RAB38: variants seen among roughly 807,000 people sequenced by gnomAD.
The protein encoded by RAB38 is ras-related protein Rab-38.
A neutral mutation model predicts 18.4 loss-of-function variants in RAB38; 15 were observed. That is an observed-to-expected ratio of 0.82 (90% confidence interval 0.55 to 1.26). RAB38 has a LOEUF of 1.26. Among genes scored for constraint, RAB38 ranks in the 50% most tolerant of loss-of-function variants. The pLI, the probability that RAB38 is intolerant of heterozygous loss-of-function variation, is 0.00. For missense variants in RAB38, 294 were observed against 267.4 expected (o/e 1.10, Z -0.69); for synonymous variants, 101 against 104.4 (o/e 0.97, Z 0.20).
intron 1 of RAB38, among the ~76,000 whole-genome samples, chr11:88,170,807 C>A (rs1322253406): frequency 2.0e-5 from 3 of 152,174 alleles, no homozygotes; most frequent in Non-Finnish European, 4.4e-5. Context: ...AAGAAACACT[C>A]GAAACACTCT....
the RAB38 span, among the ~76,000 whole-genome samples, chr11:88,070,287 C>T: frequency 0.11 from 16,838 of 152,174 alleles, 1,215 homozygotes; most frequent in Admixed American, 0.19. Context: ...ATACTCACCG[C>T]GAAGGTCTGC....
the RAB38 span, among the ~76,000 whole-genome samples, chr11:88,011,169 A>C: frequency 6.6e-6 from 1 of 152,248 alleles, no homozygotes; most frequent in Non-Finnish European, 1.5e-5. Flanking sequence ...TGACAGATAT[A>C]GTTCCCACTT....
the RAB38 span, among the ~76,000 whole-genome samples, chr11:88,006,504 T>C: frequency 6.6e-6 from 1 of 150,510 alleles, no homozygotes; most frequent in Admixed American, 6.6e-5. Context: ...GTATTCACAA[T>C]AGCCAAGATA....
Position 88,113,758 on chromosome 11 carries a change from A to ATTCT in RAB38, c.*229_*230insAGAA. On this transcript the variant is annotated 3_prime_UTR_variant, in exon 3 of 3. Transcript: ENST00000243662. ...GGATTTTGGTCAGCTACATGACAGA[A>ATTCT]GTTTGTAACAGACTAAATATTTTCA... The ATTCT allele has an allele frequency of 1.9e-6, 1 of 513,252 alleles. No individual in the cohort carries two copies. The allele number at this position is 513,252 out of a possible 1,614,324, so 31.8% of individuals were successfully genotyped here.
intron 2 of RAB38, among the ~76,000 whole-genome samples, chr11:88,139,198 T>C (rs1455722775): frequency 6.6e-6 from 1 of 152,078 alleles, no homozygotes; most frequent in African/African-American, 2.4e-5. Flanking sequence ...CTTAGAAAAA[T>C]GATGAGAAGC....
intron 2 of RAB38, among the ~76,000 whole-genome samples, chr11:88,135,763 C>A (rs748159653): frequency 6.6e-6 from 1 of 152,272 alleles, no homozygotes; most frequent in African/African-American, 2.4e-5. Flanking sequence ...CCATAACGAG[C>A]CTTTTGCGAT....
At position 88,113,980 on chromosome 11, in the gene RAB38, G is replaced by A; in HGVS notation, c.*8C>T. ...GTCATTCCTACCAGACACCAGCAAAGGTGCCTACTAGGATTTGGCACAGCC... is the reference window on the plus strand; with the variant it reads ...GTCATTCCTACCAGACACCAGCAAAAGTGCCTACTAGGATTTGGCACAGCC... On this transcript the variant is annotated 3_prime_UTR_variant, in exon 3 of 3. Transcript: ENST00000243662. 1.2e-6 allele frequency: 2 copies of A among 1,613,990 alleles called. No individual in the cohort carries two copies. The highest frequency in any genetic ancestry group is 1.7e-6 in the Non-Finnish European group (2 of 1,179,922).
At chr11:88,163,759 T>C (rs1183001184) in intron 1 of RAB38, among the ~76,000 whole-genome samples, 2 of 152,140 alleles carry the variant, frequency 1.3e-5, no homozygotes, top group African/African-American at 4.8e-5. Flanking sequence ...ATTCTGAATG[T>C]ATATTTAAAT....
chr11:88,004,058 T>C, the RAB38 span, among the ~76,000 whole-genome samples: 10 of 142,790 alleles, frequency 7.0e-5, no homozygotes, highest in African/African-American at 2.5e-4. Flanking sequence ...AAGGTATATA[T>C]ATACCTTCTC....
intron 2 of RAB38, among the ~76,000 whole-genome samples, chr11:88,124,466 T>C (rs1274875067): frequency 6.6e-6 from 1 of 152,122 alleles, no homozygotes; most frequent in African/African-American, 2.4e-5. Context: ...GGGCGAAGGA[T>C]ATGAACAGAC....
At chr11:88,045,870 A>G in the RAB38 span, among the ~76,000 whole-genome samples, 6 of 151,506 alleles carry the variant, frequency 4.0e-5, no homozygotes, top group East Asian at 7.8e-4. Context: ...AAACTCCCCA[A>G]CTCTGGTGTC....
At chr11:88,073,371 C>A in the RAB38 span, among the ~76,000 whole-genome samples, 4 of 152,184 alleles carry the variant, frequency 2.6e-5, no homozygotes, top group South Asian at 6.2e-4. Flanking sequence ...ACTGGGTTAT[C>A]CCCTTTGGAA....
At chr11:87,899,714 A>G in the RAB38 span, among the ~76,000 whole-genome samples, 1 of 151,654 alleles carries the variant, frequency 6.6e-6, no homozygotes, top group Non-Finnish European at 1.5e-5. Context: ...TTCTTGGGAC[A>G]TCAGAGCATA....
chr11:88,084,023 T>A, the RAB38 span, among the ~76,000 whole-genome samples: 1 of 151,962 alleles, frequency 6.6e-6, no homozygotes, highest in Admixed American at 6.6e-5. Flanking sequence ...AAGTATTCAA[T>A]AAATGTTCAC....
At chr11:87,833,145 G>T in the RAB38 span, among the ~76,000 whole-genome samples, 361 of 152,212 alleles carry the variant, frequency 2.4e-3, 3 homozygotes, top group African/African-American at 8.3e-3. Flanking sequence ...GTGTTGCTCA[G>T]TTCCTATCTC....
the RAB38 span, among the ~76,000 whole-genome samples, chr11:87,977,853 A>ATG: frequency 1.5e-4 from 17 of 112,664 alleles, 1 homozygote; most frequent in South Asian, 2.7e-4. Flanking sequence ...ATTAATGGAT[A>ATG]GTAATATACT....
At chr11:87,917,480 A>G in the RAB38 span, among the ~76,000 whole-genome samples, 1 of 149,968 alleles carries the variant, frequency 6.7e-6, no homozygotes, top group Non-Finnish European at 1.5e-5. Flanking sequence ...TATCACCACC[A>G]TGTCATACAG....
chr11:88,091,657 C>T, the RAB38 span, among the ~76,000 whole-genome samples: 1 of 151,972 alleles, frequency 6.6e-6, no homozygotes, highest in African/African-American at 2.4e-5. Flanking sequence ...CAGTTATGGC[C>T]TTTCATATGC....
the RAB38 span, among the ~76,000 whole-genome samples, chr11:88,032,052 A>G: frequency 1.3e-5 from 2 of 151,300 alleles, no homozygotes; most frequent in Admixed American, 1.3e-4. Context: ...ATGGAACAGA[A>G]CAGAGCCCTC....
Sources: allele counts gnomAD v4.1 joint callset (sites outside exome capture counted in the v4.1 genomes callset), GRCh38; gene constraint gnomAD v4.1.1; transcripts MANE v1.5; gene names NCBI Gene and HGNC (gene_info 2026-07-23, HGNC 2026-07-21).